Variants in ZNF135 observed in about 807,000 individuals in gnomAD.
The protein encoded by ZNF135 is zinc finger protein 135, also known as zinc finger protein 135 (clone pHZ-17).
In ZNF135, 11 loss-of-function variants were observed where a neutral mutation model predicts 12.3. That is an observed-to-expected ratio of 0.89 (90% confidence interval 0.56 to 1.48). The LOEUF (loss-of-function observed/expected upper bound fraction) is 1.48, where lower values mean the gene tolerates loss of function less well. ZNF135 is among the 40% of genes most tolerant of loss of function. The probability of loss-of-function intolerance (pLI) is 0.00; values close to 1 mark genes in which losing one functional copy is unlikely to be tolerated. For synonymous variants in ZNF135, 316 were observed against 312.0 expected (o/e 1.01, Z -0.14); for missense variants, 722 against 815.7 (o/e 0.89, Z 1.40).
At position 58,065,128 on chromosome 19, in the gene ZNF135, A is replaced by G. The variant is rs2074044177; in HGVS notation, c.256+1587A>G. 6.6e-6 allele frequency among the ~76,000 whole-genome samples: 1 copy of G among 152,206 alleles called. No homozygotes were observed. The highest frequency in any genetic ancestry group is 2.1e-4 in the South Asian group (1 of 4,832). On this transcript the variant is annotated intron_variant, in intron 4 of 4. Transcript: ENST00000313434. This position sits in a 1 kb window ranked among gnomAD's most constrained non-coding sequence, Gnocchi z 4.0. The stretch of plus-strand genomic sequence containing the variant: ...ACAATGGGTCTAGCTGGAATATAAT[A>G]AAGATGTCAGCAGGGCATCATTCCT...
chr19:58,067,920 C>G lies in ZNF135; in HGVS notation c.1436C>G (p.Thr479Arg), dbSNP rs894167372. ...TGTGGGAAGGCCTTCCGGCAGAGCA[C>G]ACACCTCACCCAACACCAGCGAATC... Reference protein sequence around the residue: ...SQCGKAFRQSTHLTQHQRIHT... With the variant: ...SQCGKAFRQSRHLTQHQRIHT... Residue 479 changes from threonine (T) to arginine (R), a missense_variant, in exon 5 of 5, where the codon ACA (threonine) becomes AGA (arginine). By Grantham distance (71) the Thr-to-Arg change is moderately conservative. Transcript: ENST00000313434. The G allele has an allele frequency of 3.7e-6, 6 of 1,613,242 alleles. No individual in the cohort carries two copies. The highest frequency in any genetic ancestry group is 5.1e-6 in the Non-Finnish European group (6 of 1,179,832).
chr19:58,068,558 C>A lies in ZNF135; in HGVS notation c.*97C>A, dbSNP rs1167937877. On this transcript the variant is annotated 3_prime_UTR_variant, in exon 5 of 5. Coordinates refer to ENST00000313434, the MANE Select transcript of ZNF135 (RefSeq NM_001289401.2). ...ATCATACACATGAGAAACGTACATTCATACACAAGCCTTTTCACACAGCAC... is the reference window on the plus strand; with the variant it reads ...ATCATACACATGAGAAACGTACATTAATACACAAGCCTTTTCACACAGCAC... 4.9e-5 allele frequency: 67 copies of A among 1,369,518 alleles called. No individual in the cohort carries two copies. Among genetic ancestry groups the A allele is most frequent in the Non-Finnish European group, 5.8e-5 (59 of 1,012,798 alleles). 84.8% of individuals were successfully genotyped at this position (1,369,518 alleles called of 1,614,324 possible).
rs974520511 is a variant in ZNF135, at chr19:58,060,936, C to T, written c.34-644C>T. ...GGTCAGGAGATCGAGACCATCCTGG[C>T]GAACACGGTGAAACCCCGTCTCTAC... On this transcript the variant is annotated intron_variant, in intron 2 of 4. Coordinates refer to ENST00000313434, the MANE Select transcript of ZNF135 (RefSeq NM_001289401.2). This position sits in a 1 kb window ranked among gnomAD's most constrained non-coding sequence, Gnocchi z 4.9. 2.0e-5 allele frequency among the ~76,000 whole-genome samples: 3 copies of T among 152,050 alleles called. No homozygotes were observed. The highest frequency in any genetic ancestry group is 6.5e-5 in the Admixed American group (1 of 15,272).
chr19:58,059,931 T>C lies in ZNF135; in HGVS notation c.-34-38T>C, dbSNP rs577598416. 1.5e-3 allele frequency: 2,432 copies of C among 1,607,984 alleles called. 6 individuals are homozygous for C. Among genetic ancestry groups the C allele is most frequent in the Non-Finnish European group, 1.9e-3 (2,263 of 1,177,830 alleles). On this transcript the variant is annotated intron_variant, in intron 1 of 4. Coordinates refer to ENST00000313434, the MANE Select transcript of ZNF135 (RefSeq NM_001289401.2). The surrounding 1 kb of genome is among the most constrained non-coding windows in gnomAD (Gnocchi z 6.5). ...CCGGCTTGGGGACCTGAGCACCGCCTCTGCCTGCCCCAGCTGCTCACCTCC... is the reference window on the plus strand; with the variant it reads ...CCGGCTTGGGGACCTGAGCACCGCCCCTGCCTGCCCCAGCTGCTCACCTCC...
Position 58,068,241 on chromosome 19 carries a change from C to T in ZNF135, c.1757C>T (p.Ser586Phe), listed in dbSNP as rs373984435. 74 of 1,613,976 alleles carry T rather than the reference C, an allele frequency of 4.6e-5. No individual in the cohort carries two copies. The African/African-American group carries it at 6.4e-4, about 14-fold the overall frequency. ...TATGGGTGCAATGAGTGTGGGAAAT[C>T]CTTCAGCCACAGCTCCTCGCTCAGC... The part of the protein sequence containing the change: ...KPYGCNECGK[S>F]FSHSSSLSQH... Residue 586 changes from serine (S) to phenylalanine (F), a missense_variant, in exon 5 of 5, where the codon TCC becomes TTC. Ser to Phe is a radical substitution (Grantham distance 155). Coordinates refer to ENST00000313434, the MANE Select transcript of ZNF135 (RefSeq NM_001289401.2).
In ZNF135 at chr19:58,068,070, G is replaced by C; in HGVS notation, c.1586G>C (p.Arg529Thr). Reference sequence around the variant, plus strand: ...CCCTACGAATGCAACCAGTGTGGCAGAGCCTTCAGCCAGCTTGCTCCCCTC... The same window carrying C: ...CCCTACGAATGCAACCAGTGTGGCACAGCCTTCAGCCAGCTTGCTCCCCTC... Reference protein sequence around the residue: ...EKPYECNQCGRAFSQLAPLIQ... With the variant: ...EKPYECNQCGTAFSQLAPLIQ... The change falls in exon 5 of 5, where the codon AGA becomes ACA. Residue 529 changes from arginine to threonine, a missense_variant. Physicochemically the swap from Arg to Thr is moderately conservative, Grantham distance 71. Transcript: ENST00000313434. 6.2e-7 allele frequency: 1 copy of C among 1,613,316 alleles called. No individual in the cohort carries two copies. Among genetic ancestry groups the C allele is most frequent in the Non-Finnish European group, 8.5e-7 (1 of 1,179,864 alleles).
rs1345846051 is a variant in ZNF135 at position 58,065,594 on chromosome 19, A to G, written c.257-1147A>G. On this transcript the variant is annotated intron_variant, in intron 4 of 4. Coordinates refer to ENST00000313434, the MANE Select transcript of ZNF135 (RefSeq NM_001289401.2). This position sits in a 1 kb window ranked among gnomAD's most constrained non-coding sequence, Gnocchi z 4.0. ...ACAGTCAGCAAGGCCTGGTCAAGTC[A>G]CATCATATTCACTCTGACTCTGACC... 6.6e-6 allele frequency among the ~76,000 whole-genome samples: 1 copy of G among 152,152 alleles called. No homozygotes were observed. Among genetic ancestry groups the G allele is most frequent in the Non-Finnish European group, 1.5e-5 (1 of 68,024 alleles).
At chr19:58,061,502 G>A in intron 2 of ZNF135, 78 bp from the exon 3 acceptor site, 7 of 1,536,772 alleles carry the variant, frequency 4.6e-6, no homozygotes, top group Middle Eastern at 1.8e-4. Flanking sequence ...GACCCAGCCT[G>A]GCTGGCATTT....
Position 58,068,593 on chromosome 19 carries a change from A to T in ZNF135, c.*132A>T. The T allele has an allele frequency of 9.9e-7, 1 of 1,010,294 alleles. No individual in the cohort carries two copies. 62.6% of individuals were successfully genotyped at this position (1,010,294 alleles called of 1,614,324 possible). A position where few individuals can be genotyped will look rare whatever the true frequency, so the allele number is the denominator to read the frequency against. On this transcript the variant is annotated 3_prime_UTR_variant, in exon 5 of 5. Coordinates refer to ENST00000313434, the MANE Select transcript of ZNF135 (RefSeq NM_001289401.2). ...CCTTTTCACACAGCACTCCCCTCAGACACCCTCAGAGAGTTCACACTGATG... is the reference window on the plus strand; with the variant it reads ...CCTTTTCACACAGCACTCCCCTCAGTCACCCTCAGAGAGTTCACACTGATG...
rs747519393 is a variant in ZNF135, at chr19:58,059,340, G to GAGGCC, written c.-35+36_-35+40dup. 39 of 1,342,430 alleles carry GAGGCC rather than the reference G, an allele frequency of 2.9e-5. 1 individual carries two copies. The highest frequency in any genetic ancestry group is 7.9e-5 in the East Asian group (3 of 37,862). The allele number at this position is 1,342,430 out of a possible 1,614,324, so 83.2% of individuals were successfully genotyped here. A position where few individuals can be genotyped will look rare whatever the true frequency, so the allele number is the denominator to read the frequency against. On this transcript the variant is annotated intron_variant, in intron 1 of 4. Transcript: ENST00000313434. This position sits in a 1 kb window ranked among gnomAD's most constrained non-coding sequence, Gnocchi z 6.5. ...GCTAGGCCGGCGAGGAGGGGGAGGG[G>GAGGCC]AGGCCAGGCCGGGCCGGGCCGGGCC...
Position 58,067,807 on chromosome 19 carries a change from C to T in ZNF135, c.1323C>T (p.Asn441=), listed in dbSNP as rs775832380. The stretch of plus-strand genomic sequence containing the variant: ...CAGGAGAGAAGCCCTATGGATGCAA[C>T]GAGTGTGGGAAAACCTTCAGCCACA... ...IHTGEKPYGC[N]ECGKTFSHSS... Residue 441 remains asparagine, a synonymous_variant, in exon 5 of 5, where the codon AAC becomes AAT. Coordinates refer to ENST00000313434, the MANE Select transcript of ZNF135 (RefSeq NM_001289401.2). 7.4e-6 allele frequency: 12 copies of T among 1,612,330 alleles called. No homozygotes were observed. Among genetic ancestry groups the T allele is most frequent in the Admixed American group, 3.3e-5 (2 of 59,868 alleles).
Position 58,066,803 on chromosome 19 carries a change from T to C in ZNF135, c.319T>C (p.Ser107Pro), listed in dbSNP as rs2074073947. 6.2e-7 allele frequency: 1 copy of C among 1,614,092 alleles called. No individual in the cohort carries two copies. The highest frequency in any genetic ancestry group is 1.3e-5 in the African/African-American group (1 of 74,916). Residue 107 changes from serine to proline, a missense_variant, in exon 5 of 5, where the codon TCC becomes CCC. Ser to Pro is a moderately conservative substitution (Grantham distance 74, BLOSUM62 -1). Coordinates refer to ENST00000313434, the MANE Select transcript of ZNF135 (RefSeq NM_001289401.2). ...AAAGCAAGGCATCTCTGAAGAAATATCCAACAGTGTCATCTTGGTAGAAAG... is the reference window on the plus strand; with the variant it reads ...AAAGCAAGGCATCTCTGAAGAAATACCCAACAGTGTCATCTTGGTAGAAAG... Reference protein sequence around the residue: ...VLKQGISEEISNSVILVERFL... With the variant: ...VLKQGISEEIPNSVILVERFL...
rs2073965359 is a variant in ZNF135, at chr19:58,060,846, G to T, written c.34-734G>T. Among the ~76,000 whole-genome samples the T allele has an allele frequency of 6.6e-6, 1 of 152,238 alleles. No individual in the cohort carries two copies. Among genetic ancestry groups the T allele is most frequent in the Admixed American group, 6.5e-5 (1 of 15,298 alleles). ...AAATTAAAAAACAAACCCAGATTTG[G>T]CCGGGCGCGGTGGCTCGCACCTGTA... On this transcript the variant is annotated intron_variant, in intron 2 of 4. Transcript: ENST00000313434. The surrounding 1 kb of genome is among the most constrained non-coding windows in gnomAD (Gnocchi z 4.9).
intron 4 of ZNF135, 176 bp from the exon 5 acceptor site, chr19:58,066,563 CTG>C: frequency 1.3e-6 from 1 of 749,448 alleles, no homozygotes; most frequent in Non-Finnish European, 2.1e-6. Flanking sequence ...CTTCCTTATT[CTG>C]TGTTTCCCTC....
In ZNF135 at chr19:58,060,801, AG is replaced by A. The variant is rs2073964528; in HGVS notation, c.33+767del. Among the ~76,000 whole-genome samples the A allele has an allele frequency of 6.6e-6, 1 of 152,076 alleles. No individual in the cohort carries two copies. Among genetic ancestry groups the A allele is most frequent in the Non-Finnish European group, 1.5e-5 (1 of 68,008 alleles). On this transcript the variant is annotated intron_variant, in intron 2 of 4. Transcript: ENST00000313434. This position sits in a 1 kb window ranked among gnomAD's most constrained non-coding sequence, Gnocchi z 4.9. ...GCCACTGCACTCCAGCCTGAATGACAGTGGAACCCTGTCTCTAAAAAATTAA... is the reference window on the plus strand; with the variant it reads ...GCCACTGCACTCCAGCCTGAATGACATGGAACCCTGTCTCTAAAAAATTAA...
intron 4 of ZNF135, among the ~76,000 whole-genome samples, chr19:58,066,207 G>T (rs1329335640): frequency 1.3e-5 from 2 of 152,164 alleles, no homozygotes; most frequent in Non-Finnish European, 2.9e-5. Context: ...CTGTTTGTGG[G>T]GAGCAGTTAG....
Position 58,062,240 on chromosome 19 carries a change from T to G in ZNF135, c.160+534T>G, listed in dbSNP as rs150520998. 2.4e-3 allele frequency among the ~76,000 whole-genome samples: 372 copies of G among 152,300 alleles called. 3 individuals are homozygous for G. Among genetic ancestry groups the G allele is most frequent in the African/African-American group, 8.4e-3 (351 of 41,550 alleles). ...AAGGGCAAGGGAGTTATCTCAAGCT[T>G]CTTTTATAAGGGCACTGATCCCATT... is the stretch of plus-strand genomic sequence containing the variant. On this transcript the variant is annotated intron_variant, in intron 3 of 4. Transcript: ENST00000313434.
chr19:58,064,178 C>G (rs758894747), intron 4 of ZNF135, among the ~76,000 whole-genome samples: 1 of 152,156 alleles, frequency 6.6e-6, no homozygotes, highest in Non-Finnish European at 1.5e-5. Context: ...CCATTGGCAT[C>G]AGGTGGGAAG....
chr19:58,060,087 T>C lies in ZNF135; in HGVS notation c.33+52T>C, dbSNP rs1330003310. On this transcript the variant is annotated intron_variant, in intron 2 of 4. Coordinates refer to ENST00000313434, the MANE Select transcript of ZNF135 (RefSeq NM_001289401.2). The surrounding 1 kb of genome is among the most constrained non-coding windows in gnomAD (Gnocchi z 4.9). ...GTCCTCCACCTCGTGCCCGGCCTCC[T>C]CGCGCGCGGCCTTCTCACGCCCGGC... The C allele has an allele frequency of 1.9e-6, 3 of 1,606,168 alleles. No individual in the cohort carries two copies. Among genetic ancestry groups the C allele is most frequent in the Admixed American group, 1.7e-5 (1 of 59,594 alleles).
Sources: gnomAD v4.1 joint callset for allele counts (sites outside exome capture counted in the v4.1 genomes callset) on GRCh38, gnomAD v4.1.1 for gene constraint, Gnocchi (gnomAD v3.1) non-coding constraint, MANE v1.5 for transcripts, NCBI Gene and HGNC (gene_info 2026-07-23, HGNC 2026-07-21) for gene names.